EFL1: variants seen among roughly 807,000 people sequenced by gnomAD.
EFL1 encodes elongation factor like GTPase 1.
A neutral mutation model predicts 126.7 loss-of-function variants in EFL1; 76 were observed. The ratio of observed to expected loss-of-function variants is 0.60; its 90% CI spans 0.50 to 0.73. The LOEUF (loss-of-function observed/expected upper bound fraction) is 0.73, where lower values mean the gene tolerates loss of function less well. Ranked by LOEUF, EFL1 falls within the 30% of genes least tolerant of loss-of-function variation. EFL1 has a pLI of 0.00. For missense variants in EFL1, 1,128 were observed against 1,343.2 expected (o/e 0.84, Z 2.50); for synonymous variants, 410 against 448.4 (o/e 0.91, Z 1.08).
In EFL1 at chr15:82,190,453, A is replaced by C. The variant is rs114812213; in HGVS notation, c.1750+24264T>G. Among the ~76,000 whole-genome samples the C allele has an allele frequency of 8.1e-3, 1,229 of 152,296 alleles. 14 individuals are homozygous for C. The highest frequency in any genetic ancestry group is 0.028 in the African/African-American group (1,153 of 41,550). ...AAATTGGTCTTTACTTTTGAATGCT[A>C]CATCTTTCTATATATCCATGGATTC... On this transcript the variant is annotated intron_variant, in intron 15 of 19. Transcript: ENST00000268206.
chr15:82,145,301 C>T lies in EFL1; in HGVS notation c.2989+6164G>A, dbSNP rs2073832437. 3.9e-5 allele frequency among the ~76,000 whole-genome samples: 4 copies of T among 101,380 alleles called. No homozygotes were observed. The South Asian group carries it at 7.8e-4, about 20-fold the overall frequency. 66.5% of individuals were successfully genotyped at this position (101,380 alleles called of 152,430 possible). A position where few individuals can be genotyped will look rare whatever the true frequency, so the allele number is the denominator to read the frequency against. On this transcript the variant is annotated intron_variant, in intron 18 of 19. Transcript: ENST00000268206. ...CTGGGCAACAAGAGCGAAACTCTGT[C>T]TCAAAAAAAAAAAAAAAAAAGTAAA...
In EFL1 at chr15:82,168,900, ACT is replaced by A. The variant is rs533064804; in HGVS notation, c.1751-4918_1751-4917del. ...AAAAAGTAACACCTAAAGAATGAAA[ACT>A]CTTTTTTCCTGGAAATATGCTGGCT... On this transcript the variant is annotated intron_variant, in intron 15 of 19. Coordinates refer to ENST00000268206, the MANE Select transcript of EFL1 (RefSeq NM_024580.6). Among the ~76,000 whole-genome samples, 178 of 151,596 alleles carry A rather than the reference ACT, an allele frequency of 1.2e-3. 1 individual carries two copies. The highest frequency in any genetic ancestry group is 2.2e-3 in the Non-Finnish European group (147 of 67,870).
intron 12 of EFL1, among the ~76,000 whole-genome samples, chr15:82,223,427 T>C (rs892010705): frequency 1.2e-4 from 18 of 152,088 alleles, no homozygotes; most frequent in African/African-American, 4.3e-4. Flanking sequence ...CTTCATGGAA[T>C]AGAATGGATT....
chr15:82,189,712 T>C (rs1248370308), intron 15 of EFL1, among the ~76,000 whole-genome samples: 1 of 152,192 alleles, frequency 6.6e-6, no homozygotes, highest in African/African-American at 2.4e-5. Flanking sequence ...AAATTCTCTC[T>C]TATTATTCTT....
intron 18 of EFL1, 106 bp downstream of exon 18, chr15:82,151,359 G>T (rs1215954335): frequency 1.8e-6 from 2 of 1,122,706 alleles, no homozygotes; most frequent in Non-Finnish European, 2.5e-6. Context: ...CTGCACTCCA[G>T]CTGGGGCGAC....
chr15:82,194,121 A>C (rs1443544051), intron 15 of EFL1, among the ~76,000 whole-genome samples: 1 of 152,184 alleles, frequency 6.6e-6, no homozygotes, highest in Non-Finnish European at 1.5e-5. Context: ...CAGATCATTG[A>C]AATCTTTTCC....
At chr15:82,134,138 T>A (rs952006359) in intron 19 of EFL1, among the ~76,000 whole-genome samples, 1 of 152,230 alleles carries the variant, frequency 6.6e-6, no homozygotes, top group Admixed American at 6.5e-5. Flanking sequence ...TATGAAGACA[T>A]CTTCACTACT....
At chr15:82,133,938 G>T in intron 19 of EFL1, among the ~76,000 whole-genome samples, 1 of 152,274 alleles carries the variant, frequency 6.6e-6, no homozygotes, top group East Asian at 1.9e-4. Flanking sequence ...ATCAGGAGCA[G>T]GCACTGAGGC....
chr15:82,157,289 A>G (rs1180869630), intron 17 of EFL1, among the ~76,000 whole-genome samples: 2 of 152,260 alleles, frequency 1.3e-5, no homozygotes, highest in Non-Finnish European at 2.9e-5. Context: ...TGCCCATTTT[A>G]TAATACATAT....
At chr15:82,252,895 T>C in intron 3 of EFL1, 120 bp from the exon 4 acceptor site, 1 of 737,716 alleles carries the variant, frequency 1.4e-6, no homozygotes, top group South Asian at 2.1e-5. Flanking sequence ...TTATTTATTT[T>C]TGTAGAGACA....
At chr15:82,179,570 C>CTCTGTA (rs1298859171) in intron 15 of EFL1, among the ~76,000 whole-genome samples, 1 of 152,014 alleles carries the variant, frequency 6.6e-6, no homozygotes, top group East Asian at 1.9e-4. Flanking sequence ...GCTTTTTTTC[C>CTCTGTA]TCTGTACCAT....
At chr15:82,174,566 T>G (rs2074173925) in intron 15 of EFL1, among the ~76,000 whole-genome samples, 1 of 152,174 alleles carries the variant, frequency 6.6e-6, no homozygotes, top group African/African-American at 2.4e-5. Flanking sequence ...GAAACTGTGG[T>G]CTCACCTCTG....
intron 18 of EFL1, among the ~76,000 whole-genome samples, chr15:82,140,793 C>T (rs1476051403): frequency 6.6e-6 from 1 of 152,198 alleles, no homozygotes; most frequent in African/African-American, 2.4e-5. Context: ...CCAGAAACCT[C>T]ATAGTTACAG....
chr15:82,161,821 G>A (rs2141240177), intron 16 of EFL1, among the ~76,000 whole-genome samples: 1 of 152,236 alleles, frequency 6.6e-6, no homozygotes, highest in East Asian at 1.9e-4. Context: ...CTATAGTACA[G>A]GAAATACACT....
chr15:82,241,178 T>G lies in EFL1; in HGVS notation c.378+92A>C. ...CCAAATGTGAAATATAAAACCAATG[T>G]TGTGATTGTCAGTGAAATGCCTAAA... On this transcript the variant is annotated intron_variant, in intron 5 of 19. Transcript: ENST00000268206. 29 of 1,446,576 alleles carry G rather than the reference T, an allele frequency of 2.0e-5. No homozygotes were observed. The South Asian group carries it at 3.3e-4, about 16-fold the overall frequency. 89.6% of individuals were successfully genotyped at this position (1,446,576 alleles called of 1,614,324 possible). A position where few individuals can be genotyped will look rare whatever the true frequency, so the allele number is the denominator to read the frequency against.
chr15:82,256,907 G>C (rs1567081851), intron 3 of EFL1, among the ~76,000 whole-genome samples: 1 of 152,054 alleles, frequency 6.6e-6, no homozygotes. Context: ...TCATAAGGTT[G>C]GTATATAATT....
intron 19 of EFL1, among the ~76,000 whole-genome samples, chr15:82,136,217 A>G (rs1189148187): frequency 3.3e-5 from 5 of 152,214 alleles, no homozygotes; most frequent in Non-Finnish European, 1.5e-5. Context: ...TCTTCCAATA[A>G]TGATGCCATT....
intron 15 of EFL1, among the ~76,000 whole-genome samples, chr15:82,187,554 T>G (rs2074316554): frequency 6.6e-6 from 1 of 152,160 alleles, no homozygotes; most frequent in Non-Finnish European, 1.5e-5. Flanking sequence ...GTAAATTCAA[T>G]TTTTAAATTT....
intron 15 of EFL1, among the ~76,000 whole-genome samples, chr15:82,167,507 A>G (rs976036392): frequency 2.0e-5 from 3 of 152,230 alleles, no homozygotes; most frequent in African/African-American, 4.8e-5. Context: ...AGAAATATTA[A>G]GGAGAGTATC....
Sources: allele counts gnomAD v4.1 joint callset (sites outside exome capture counted in the v4.1 genomes callset), GRCh38; gene constraint gnomAD v4.1.1; transcripts MANE v1.5; gene names NCBI Gene and HGNC (gene_info 2026-07-23, HGNC 2026-07-21).